Variants in TSEN2 observed in about 807,000 individuals in gnomAD.
TSEN2 encodes the protein tRNA-splicing endonuclease subunit Sen2.
In TSEN2, 54 loss-of-function variants were observed where a neutral mutation model predicts 59.2. The ratio of observed to expected loss-of-function variants is 0.91; its 90% CI spans 0.73 to 1.14. TSEN2 has a LOEUF of 1.14. Among genes scored for constraint, TSEN2 ranks in the 50% most tolerant of loss-of-function variants. The probability of loss-of-function intolerance (pLI) is 0.00; values close to 1 mark genes in which losing one functional copy is unlikely to be tolerated. For synonymous variants in TSEN2, 195 were observed against 198.2 expected (o/e 0.98, Z 0.14); for missense variants, 636 against 576.2 (o/e 1.10, Z -1.06).
chr3:12,534,940 C>T (rs2057638220), downstream of TSEN2, among the ~76,000 whole-genome samples: 1 of 152,004 alleles, frequency 6.6e-6, no homozygotes, highest in South Asian at 2.1e-4. Flanking sequence ...CACTGCACTC[C>T]AGCCTGGGGG....
At position 12,506,921 on chromosome 3, in the gene TSEN2, G is replaced by A. The variant is rs763864952; in HGVS notation, c.909+1690G>A. On this transcript the variant is annotated intron_variant, in intron 6 of 11. Transcript: ENST00000284995. ...AGGAAAGTAATTGTGGGGGCCGGGCGCCGTGGCTCACACCTGTAATCCCAG... is the reference window on the plus strand; with the variant it reads ...AGGAAAGTAATTGTGGGGGCCGGGCACCGTGGCTCACACCTGTAATCCCAG... The A allele has an allele frequency of 1.8e-4, 175 of 956,460 alleles. 1 individual carries two copies. The highest frequency in any genetic ancestry group is 5.3e-4 in the Middle Eastern group (1 of 1,892). The allele number at this position is 956,460 out of a possible 1,614,324, so 59.2% of individuals were successfully genotyped here.
At chr3:12,533,979 G>A (rs986370565), downstream of TSEN2, among the ~76,000 whole-genome samples, 2 of 152,154 alleles carry the variant, frequency 1.3e-5, no homozygotes, top group Admixed American at 1.3e-4. Context: ...CCCACAGAGG[G>A]GTGTTTGAAG....
At position 12,492,293 on chromosome 3, in the gene TSEN2, A is replaced by G. The variant is rs528886820; in HGVS notation, c.271+76A>G. The G allele has an allele frequency of 6.2e-6, 8 of 1,296,444 alleles. No homozygotes were observed. The South Asian group carries it at 8.4e-5, about 14-fold the overall frequency. The allele number at this position is 1,296,444 out of a possible 1,614,324, so 80.3% of individuals were successfully genotyped here. A position where few individuals can be genotyped will look rare whatever the true frequency, so the allele number is the denominator to read the frequency against. On this transcript the variant is annotated intron_variant, in intron 3 of 11. Transcript: ENST00000284995. ...TGTTTTTGATCTTATATCTCAGGCT[A>G]TATAGTAAAATTCTAGAGAAGTAAC...
upstream of TSEN2, among the ~76,000 whole-genome samples, chr3:12,480,535 T>G (rs1329988748): frequency 1.6e-4 from 22 of 141,216 alleles, no homozygotes; most frequent in East Asian, 9.8e-4. Context: ...TTTGTTTTTT[T>G]TTTTTTTTTT....
chr3:12,497,713 G>A (rs1282365917), intron 4 of TSEN2, among the ~76,000 whole-genome samples: 1 of 152,170 alleles, frequency 6.6e-6, no homozygotes, highest in Non-Finnish European at 1.5e-5. Context: ...ACAGGGAGAG[G>A]GCTACCTCCC....
chr3:12,531,994 C>T (rs2057489292), intron 11 of TSEN2, among the ~76,000 whole-genome samples: 1 of 152,210 alleles, frequency 6.6e-6, no homozygotes, highest in Non-Finnish European at 1.5e-5. Flanking sequence ...TCCCTGTTGA[C>T]TTGTTCCTGC....
intron 6 of TSEN2, among the ~76,000 whole-genome samples, chr3:12,516,357 C>T (rs1157993417): frequency 1.3e-5 from 2 of 151,966 alleles, no homozygotes; most frequent in Admixed American, 6.6e-5. Flanking sequence ...ACCCAGGAGG[C>T]GGAGCTTGCA....
At chr3:12,511,674 C>T (rs1258169625) in intron 6 of TSEN2, among the ~76,000 whole-genome samples, 11 of 151,726 alleles carry the variant, frequency 7.2e-5, no homozygotes, top group Non-Finnish European at 8.8e-5. Flanking sequence ...CCAAGCAGTC[C>T]TCCCATCTCA....
intron 1 of TSEN2, among the ~76,000 whole-genome samples, chr3:12,488,170 A>G (rs2052824767): frequency 6.6e-6 from 1 of 152,134 alleles, no homozygotes; most frequent in Non-Finnish European, 1.5e-5. Context: ...CCCCTCCCTC[A>G]GTTTTGGCCA....
At chr3:12,500,234 G>A (rs941356776) in intron 4 of TSEN2, among the ~76,000 whole-genome samples, 5 of 152,200 alleles carry the variant, frequency 3.3e-5, no homozygotes, top group Non-Finnish European at 7.4e-5. Flanking sequence ...GCTTTTTAAG[G>A]TGTTGCCAGC....
rs565601902 is a variant in TSEN2, at chr3:12,509,231, C to T, written c.909+4000C>T. Among the ~76,000 whole-genome samples the T allele has an allele frequency of 6.1e-5, 9 of 147,770 alleles. 1 individual carries two copies. Among genetic ancestry groups the T allele is most frequent in the South Asian group, 4.2e-4 (2 of 4,766 alleles). On this transcript the variant is annotated intron_variant, in intron 6 of 11. Coordinates refer to ENST00000284995, the MANE Select transcript of TSEN2 (RefSeq NM_025265.4). ...TGTTTTTTTTTTTGAGACAGGGTCT[C>T]GCTCTGTCACCTAGGCTGCAGTGCA...
At chr3:12,527,456 CTT>C (rs757613935) in intron 8 of TSEN2, among the ~76,000 whole-genome samples, 6 of 132,074 alleles carry the variant, frequency 4.5e-5, no homozygotes, top group African/African-American at 5.5e-5. Context: ...TTTTTTTTTT[CTT>C]TTTTTTTTTT....
At chr3:12,524,739 CTTTTT>C (rs746602626) in intron 8 of TSEN2, among the ~76,000 whole-genome samples, 1 of 131,780 alleles carries the variant, frequency 7.6e-6, no homozygotes, top group Non-Finnish European at 1.6e-5. Flanking sequence ...TCTTTGGTCT[CTTTTT>C]TTTTTTTTTT....
chr3:12,493,550 A>C (rs299636), intron 3 of TSEN2, among the ~76,000 whole-genome samples: 2,284 of 152,308 alleles, frequency 0.015, 26 homozygotes, highest in Middle Eastern at 0.027. Flanking sequence ...AAGATGGTGA[A>C]ACCCCATCTC....
chr3:12,498,222 A>G (rs1313378280), intron 4 of TSEN2, among the ~76,000 whole-genome samples: 1 of 152,172 alleles, frequency 6.6e-6, no homozygotes, highest in Admixed American at 6.5e-5. Context: ...GTTTCCAGAT[A>G]AAGTCATATT....
chr3:12,537,624 G>A (rs1202948417), downstream of TSEN2, among the ~76,000 whole-genome samples: 3 of 152,074 alleles, frequency 2.0e-5, no homozygotes, highest in Non-Finnish European at 2.9e-5. Flanking sequence ...GGTCCCTTTC[G>A]ATTTGCTGGG....
intron 6 of TSEN2, chr3:12,511,120 G>A (rs2055404556): frequency 6.6e-6 from 1 of 152,230 alleles, no homozygotes; most frequent in Non-Finnish European, 1.5e-5. Context: ...GTATTCCCAG[G>A]CAGTCTCCAC....
intron 6 of TSEN2, among the ~76,000 whole-genome samples, chr3:12,512,952 T>C (rs2055638308): frequency 1.3e-5 from 2 of 152,210 alleles, no homozygotes. Context: ...AACTTATCCT[T>C]CCATCTTATT....
chr3:12,500,957 G>A (rs973983918), intron 4 of TSEN2, among the ~76,000 whole-genome samples: 3 of 152,316 alleles, frequency 2.0e-5, no homozygotes, highest in Non-Finnish European at 4.4e-5. Context: ...GTTCTGTCAC[G>A]TGTTTTGAGT....
Sources: allele counts gnomAD v4.1 joint callset (sites outside exome capture counted in the v4.1 genomes callset), GRCh38; gene constraint gnomAD v4.1.1; transcripts MANE v1.5; gene names NCBI Gene and HGNC (gene_info 2026-07-23, HGNC 2026-07-21).